Variants in PPARA observed in about 807,000 individuals in gnomAD.
PPARA encodes the protein peroxisome proliferator activated receptor alpha, also known as peroxisome proliferator-activated receptor alpha.
In PPARA, 22 loss-of-function variants were observed where a neutral mutation model predicts 42.2. That is an observed-to-expected ratio of 0.52 (90% CI 0.37 to 0.74). The LOEUF (loss-of-function observed/expected upper bound fraction) is 0.74. Ranked by LOEUF, PPARA falls within the 30% of genes least tolerant of loss-of-function variation. The pLI is 0.00. For synonymous variants in PPARA, 242 were observed against 239.3 expected (o/e 1.01, Z -0.10); for missense variants, 465 against 608.2 (o/e 0.76, Z 2.48).
In PPARA at chr22:46,161,961, C is replaced by T; in HGVS notation, c.-127+9991C>T. On this transcript the variant is annotated intron_variant, in intron 2 of 8. Coordinates refer to ENST00000407236, the MANE Select transcript of PPARA (RefSeq NM_005036.6). This position sits in a 1 kb window ranked among gnomAD's most constrained non-coding sequence, Gnocchi z 4.8. ...TGTCACCTGGGCCCTCCCGGAGGCCCTCGCCCTCAGTGTGTCTGATTCTGA... is the reference window on the plus strand; with the variant it reads ...TGTCACCTGGGCCCTCCCGGAGGCCTTCGCCCTCAGTGTGTCTGATTCTGA... Among the ~76,000 whole-genome samples the T allele has an allele frequency of 6.6e-6, 1 of 152,170 alleles. No homozygotes were observed. The highest frequency in any genetic ancestry group is 1.9e-4 in the East Asian group (1 of 5,184).
chr22:46,161,663 G>A lies in PPARA; in HGVS notation c.-127+9693G>A, dbSNP rs2147130721. Among the ~76,000 whole-genome samples the A allele has an allele frequency of 6.6e-6, 1 of 152,298 alleles. No homozygotes were observed. Among genetic ancestry groups the A allele is most frequent in the African/African-American group, 2.4e-5 (1 of 41,570 alleles). ...AATTTCTTCTGAGAGAGAAAAAGATGAGATTCTAGCCTAAGGTGTAACACA... is the reference window on the plus strand; with the variant it reads ...AATTTCTTCTGAGAGAGAAAAAGATAAGATTCTAGCCTAAGGTGTAACACA... On this transcript the variant is annotated intron_variant, in intron 2 of 8. Coordinates refer to ENST00000407236, the MANE Select transcript of PPARA (RefSeq NM_005036.6). The surrounding 1 kb of genome is among the most constrained non-coding windows in gnomAD (Gnocchi z 4.8).
rs887076220 is a variant in PPARA at position 46,221,263 on chromosome 22, C to T, written c.711+1249C>T. Among the ~76,000 whole-genome samples the T allele has an allele frequency of 6.6e-6, 1 of 152,168 alleles. No homozygotes were observed. Among genetic ancestry groups the T allele is most frequent in the Non-Finnish European group, 1.5e-5 (1 of 68,034 alleles). Reference sequence around the variant, plus strand: ...TAAACCATTCATGAAGGATCACCCCCATGATCCAGTCCCTCCCGCCAGGCC... The same window carrying T: ...TAAACCATTCATGAAGGATCACCCCTATGATCCAGTCCCTCCCGCCAGGCC... On this transcript the variant is annotated intron_variant, in intron 7 of 8. Transcript: ENST00000407236. The surrounding 1 kb of genome is among the most constrained non-coding windows in gnomAD (Gnocchi z 5.9).
At chr22:46,214,870 G>A (rs4253731) in intron 4 of PPARA, among the ~76,000 whole-genome samples, 5,008 of 150,406 alleles carry the variant, frequency 0.033, 221 homozygotes, top group African/African-American at 0.1. Context: ...CGGGCCCGGA[G>A]ATATGCGGGG....
intron 2 of PPARA, among the ~76,000 whole-genome samples, chr22:46,172,068 T>C (rs1463962525): frequency 6.6e-6 from 1 of 152,052 alleles, no homozygotes; most frequent in Non-Finnish European, 1.5e-5. Flanking sequence ...CCGTGTCGCC[T>C]TGGGTGATAC....
chr22:46,217,713 C>G (rs961299449), intron 5 of PPARA, among the ~76,000 whole-genome samples: 1 of 151,134 alleles, frequency 6.6e-6, no homozygotes, highest in Non-Finnish European at 1.5e-5. Context: ...TTTGAAATGA[C>G]TTCGAATGCT....
In PPARA at chr22:46,184,419, A is replaced by G. The variant is rs1416950450; in HGVS notation, c.-43+7583A>G. On this transcript the variant is annotated intron_variant, in intron 3 of 8. Coordinates refer to ENST00000407236, the MANE Select transcript of PPARA (RefSeq NM_005036.6). This position sits in a 1 kb window ranked among gnomAD's most constrained non-coding sequence, Gnocchi z 4.4. ...ACACAGTTACCTTTTAGTTACACTA[A>G]TGGGGAAAACAGGAGCTTTGCTACC... Among the ~76,000 whole-genome samples the G allele has an allele frequency of 1.3e-5, 2 of 152,208 alleles. No individual in the cohort carries two copies. The highest frequency in any genetic ancestry group is 2.9e-5 in the Non-Finnish European group (2 of 68,028).
rs1404835033 is a variant in PPARA, at chr22:46,160,075, G to C, written c.-127+8105G>C. On this transcript the variant is annotated intron_variant, in intron 2 of 8. Coordinates refer to ENST00000407236, the MANE Select transcript of PPARA (RefSeq NM_005036.6). The surrounding 1 kb of genome is among the most constrained non-coding windows in gnomAD (Gnocchi z 4.5). ...CACAGTCTTGAACCGCCAGCGAAGG[G>C]CTGGGAAGTGCGGATCCAGGGCTGG... Among the ~76,000 whole-genome samples the C allele has an allele frequency of 1.3e-5, 2 of 152,222 alleles. No homozygotes were observed. The highest frequency in any genetic ancestry group is 4.8e-5 in the African/African-American group (2 of 41,456).
rs1465360296 is a variant in PPARA at position 46,240,066 on chromosome 22, T to TG, written c.*4692dup. The stretch of plus-strand genomic sequence containing the variant: ...GCTTGACCGACAGCCTGGCCTTTGG[T>TG]GGGGGGCTTCCTGGGGCCTGGGGAA... On this transcript the variant is annotated 3_prime_UTR_variant, in exon 9 of 9. Coordinates refer to ENST00000407236, the MANE Select transcript of PPARA (RefSeq NM_005036.6). The surrounding 1 kb of genome is among the most constrained non-coding windows in gnomAD (Gnocchi z 6.0). 7.5e-6 allele frequency: 3 copies of TG among 398,146 alleles called. No individual in the cohort carries two copies. Among genetic ancestry groups the TG allele is most frequent in the African/African-American group, 4.1e-5 (2 of 48,580 alleles). 24.7% of individuals were successfully genotyped at this position (398,146 alleles called of 1,614,324 possible). A position where few individuals can be genotyped will look rare whatever the true frequency, so the allele number is the denominator to read the frequency against.
chr22:46,197,098 A>G (rs1239979856), intron 3 of PPARA, among the ~76,000 whole-genome samples: 3 of 150,044 alleles, frequency 2.0e-5, no homozygotes, highest in Non-Finnish European at 4.4e-5. Context: ...CGCCCCGGCT[A>G]GAGTGTGGTG....
At chr22:46,214,584 G>A (rs571674720) in intron 4 of PPARA, among the ~76,000 whole-genome samples, 5 of 150,166 alleles carry the variant, frequency 3.3e-5, no homozygotes, top group Admixed American at 3.3e-4. Flanking sequence ...TGGGGGTCCG[G>A]AGATGTGCGG....
At chr22:46,215,150 C>T in intron 4 of PPARA, 23 bp from the exon 5 acceptor site, 1 of 1,612,284 alleles carries the variant, frequency 6.2e-7, no homozygotes, top group Non-Finnish European at 8.5e-7. Flanking sequence ...GACTATTCAT[C>T]CGTCTCTCCT....
rs1031679274 is a variant in PPARA at position 46,171,045 on chromosome 22, C to T, written c.-126-5708C>T. 6.6e-6 allele frequency among the ~76,000 whole-genome samples: 1 copy of T among 151,982 alleles called. No individual in the cohort carries two copies. On this transcript the variant is annotated intron_variant, in intron 2 of 8. Transcript: ENST00000407236. This position sits in a 1 kb window ranked among gnomAD's most constrained non-coding sequence, Gnocchi z 5.0. ...GCACAATGGCAGGTACCTGTAATCC[C>T]AGCTACTTGGGAGGCTGAGGCAGGA...
rs577913121 is a variant in PPARA, at chr22:46,196,641, C to T, written c.-42-1701C>T. ...CTGGCCTCACCCCGGACACTCCACACGTGCATTCATTTCGTTGTTCACCAT... is the reference window on the plus strand; with the variant it reads ...CTGGCCTCACCCCGGACACTCCACATGTGCATTCATTTCGTTGTTCACCAT... On this transcript the variant is annotated intron_variant, in intron 3 of 8. Transcript: ENST00000407236. This position sits in a 1 kb window ranked among gnomAD's most constrained non-coding sequence, Gnocchi z 5.6. Among the ~76,000 whole-genome samples, 2 of 152,328 alleles carry T rather than the reference C, an allele frequency of 1.3e-5. No homozygotes were observed. Among genetic ancestry groups the T allele is most frequent in the South Asian group, 4.1e-4 (2 of 4,826 alleles).
At position 46,171,980 on chromosome 22, in the gene PPARA, G is replaced by T. The variant is rs112110115; in HGVS notation, c.-126-4773G>T. ...GAAGGGGTGGGGCCCGGCCAAGCAA[G>T]GTGGCTAAGTGGGAAAGGCTCCACC... On this transcript the variant is annotated intron_variant, in intron 2 of 8. Coordinates refer to ENST00000407236, the MANE Select transcript of PPARA (RefSeq NM_005036.6). This position sits in a 1 kb window ranked among gnomAD's most constrained non-coding sequence, Gnocchi z 5.0. Among the ~76,000 whole-genome samples the T allele has an allele frequency of 6.6e-6, 1 of 152,202 alleles. No individual in the cohort carries two copies. The highest frequency in any genetic ancestry group is 1.5e-5 in the Non-Finnish European group (1 of 68,034).
chr22:46,158,248 T>A (rs1925613938), intron 2 of PPARA, among the ~76,000 whole-genome samples: 1 of 152,064 alleles, frequency 6.6e-6, no homozygotes, highest in East Asian at 1.9e-4. Flanking sequence ...CTCTACTAAA[T>A]GTACAAAAAT....
rs35328780 is a variant in PPARA at position 46,172,318 on chromosome 22, T to TAAAAAAA, written c.-126-4419_-126-4413dup. 3.6e-3 allele frequency among the ~76,000 whole-genome samples: 432 copies of TAAAAAAA among 119,548 alleles called. 3 individuals carry two copies. The highest frequency in any genetic ancestry group is 0.013 in the African/African-American group (418 of 32,914). 78.4% of individuals were successfully genotyped at this position (119,548 alleles called of 152,430 possible). ...AAACCACAGGATGAATGCAAGTAAT[T>TAAAAAAA]AAAAAAAAAAAAAAAAAAAAAACAG... On this transcript the variant is annotated intron_variant, in intron 2 of 8. Transcript: ENST00000407236.
At chr22:46,175,574 C>T (rs930149045) in intron 2 of PPARA, among the ~76,000 whole-genome samples, 5 of 151,956 alleles carry the variant, frequency 3.3e-5, no homozygotes, top group Middle Eastern at 3.2e-3. Context: ...ATTAGCCAAG[C>T]GTGGTGGCGG....
rs1215585263 is a variant in PPARA at position 46,234,121 on chromosome 22, G to A, written c.1160-1012G>A. 2.0e-5 allele frequency among the ~76,000 whole-genome samples: 3 copies of A among 152,110 alleles called. No individual in the cohort carries two copies. Among genetic ancestry groups the A allele is most frequent in the Admixed American group, 1.3e-4 (2 of 15,272 alleles). ...TTACAGGCATGAGCCACTGCACCCG[G>A]CAATAATTCCTCTCTTTAGAGACTT... is the stretch of plus-strand genomic sequence containing the variant. On this transcript the variant is annotated intron_variant, in intron 8 of 8. Coordinates refer to ENST00000407236, the MANE Select transcript of PPARA (RefSeq NM_005036.6). This position sits in a 1 kb window ranked among gnomAD's most constrained non-coding sequence, Gnocchi z 5.8.
chr22:46,205,552 A>G (rs1387578211), intron 4 of PPARA, among the ~76,000 whole-genome samples: 3 of 22,810 alleles, frequency 1.3e-4, no homozygotes, highest in African/African-American at 5.9e-4. Flanking sequence ...ATATATATAT[A>G]TATTTTTTTT....
Sources: gnomAD v4.1 joint callset for allele counts (sites outside exome capture counted in the v4.1 genomes callset) on GRCh38, gnomAD v4.1.1 for gene constraint, Gnocchi (gnomAD v3.1) non-coding constraint, MANE v1.5 for transcripts, NCBI Gene and HGNC (gene_info 2026-07-23, HGNC 2026-07-21) for gene names.